The following CORO2B variants were observed in gnomAD, a reference collection of about 807,000 sequenced individuals.
The protein encoded by CORO2B is coronin-2B.
CORO2B carries 26 observed loss-of-function variants against 58.8 expected under a neutral mutation model. The observed-to-expected ratio is 0.44, with a 90% CI of 0.32 to 0.61. The LOEUF (loss-of-function observed/expected upper bound fraction) is 0.61. Ranked by LOEUF, CORO2B falls within the 20% of genes least tolerant of loss-of-function variation. CORO2B has a pLI of 0.04. For missense variants in CORO2B, 460 were observed against 645.1 expected (o/e 0.71, Z 3.11); for synonymous variants, 242 against 253.8 (o/e 0.95, Z 0.44).
intron 1 of CORO2B, among the ~76,000 whole-genome samples, chr15:68,585,635 C>G (rs1899534051): frequency 6.6e-6 from 1 of 152,210 alleles, no homozygotes; most frequent in African/African-American, 2.4e-5. Context: ...TCTGCTTCCA[C>G]TCCCCACCAA....
At chr15:68,610,827 G>A (rs961244446) in intron 1 of CORO2B, among the ~76,000 whole-genome samples, 3 of 152,306 alleles carry the variant, frequency 2.0e-5, no homozygotes, top group African/African-American at 4.8e-5. Flanking sequence ...GAGCATCAGC[G>A]TGGAAATGAA....
chr15:68,702,141 G>C (rs184895844), intron 3 of CORO2B, among the ~76,000 whole-genome samples: 77 of 152,156 alleles, frequency 5.1e-4, no homozygotes, highest in African/African-American at 1.8e-3. Flanking sequence ...GTACGGGCAC[G>C]GGCAGGAGTG....
intron 2 of CORO2B, among the ~76,000 whole-genome samples, chr15:68,650,691 G>A (rs1901614445): frequency 6.6e-6 from 1 of 152,218 alleles, no homozygotes; most frequent in Non-Finnish European, 1.5e-5. Flanking sequence ...TACCTCCCAA[G>A]TATTGGGACC....
At chr15:68,653,085 A>G (rs930483456) in intron 2 of CORO2B, among the ~76,000 whole-genome samples, 14 of 152,006 alleles carry the variant, frequency 9.2e-5, no homozygotes, top group African/African-American at 3.1e-4. Context: ...GGGGAAGCTT[A>G]CTCTCTGAAG....
At chr15:68,644,901 T>C (rs560729665) in intron 1 of CORO2B, among the ~76,000 whole-genome samples, 80 of 152,296 alleles carry the variant, frequency 5.3e-4, no homozygotes, top group African/African-American at 1.8e-3. Context: ...GGGGTGGGCA[T>C]GTGTACCAAA....
At chr15:68,571,414 G>A in the CORO2B span, among the ~76,000 whole-genome samples, 1 of 152,162 alleles carries the variant, frequency 6.6e-6, no homozygotes, top group Non-Finnish European at 1.5e-5. Flanking sequence ...CATGGTGGGA[G>A]ATAAGAAATT....
chr15:68,596,368 T>A (rs996192735), intron 1 of CORO2B, among the ~76,000 whole-genome samples: 6 of 47,756 alleles, frequency 1.3e-4, no homozygotes, highest in East Asian at 7.7e-4. Context: ...GGGTAGGGGG[T>A]GGGGGTTGTG....
At chr15:68,627,007 T>C (rs1286042829) in intron 1 of CORO2B, among the ~76,000 whole-genome samples, 1 of 152,154 alleles carries the variant, frequency 6.6e-6, no homozygotes, top group African/African-American at 2.4e-5. Flanking sequence ...TGGGTTCAGC[T>C]CCCAGTCCCA....
the CORO2B span, among the ~76,000 whole-genome samples, chr15:68,525,736 T>C: frequency 6.6e-6 from 1 of 152,220 alleles, no homozygotes; most frequent in East Asian, 1.9e-4. Flanking sequence ...CTGGATTTTT[T>C]TAAAATAATT....
At position 68,660,349 on chromosome 15, in the gene CORO2B, C is replaced by G. The variant is rs116303028; in HGVS notation, c.216+14989C>G. Among the ~76,000 whole-genome samples, 420 of 152,296 alleles carry G rather than the reference C, an allele frequency of 2.8e-3. 1 individual carries two copies. The highest frequency in any genetic ancestry group is 0.027 in the Middle Eastern group (8 of 294). ...TCTGTTCATTCCTCTAGTGTGATGT[C>G]TGTTAGCTCTTAAGCTTCTTCAAGA... On this transcript the variant is annotated intron_variant, in intron 2 of 11. Coordinates refer to ENST00000261861, the MANE Select transcript of CORO2B (RefSeq NM_006091.5).
intron 2 of CORO2B, among the ~76,000 whole-genome samples, chr15:68,685,128 T>C (rs1443977002): frequency 6.6e-6 from 1 of 152,220 alleles, no homozygotes; most frequent in Non-Finnish European, 1.5e-5. Context: ...CTTTACATGC[T>C]CATCACCTAA....
At chr15:68,541,108 G>A in the CORO2B span, among the ~76,000 whole-genome samples, 1 of 152,162 alleles carries the variant, frequency 6.6e-6, no homozygotes, top group Non-Finnish European at 1.5e-5. Context: ...GGTAGTGTGT[G>A]CCTATAGTCA....
chr15:68,529,202 G>T, the CORO2B span, among the ~76,000 whole-genome samples: 2 of 152,128 alleles, frequency 1.3e-5, no homozygotes, highest in African/African-American at 4.8e-5. Flanking sequence ...ACTGTGGCTC[G>T]TCAGGAGATA....
intron 1 of CORO2B, among the ~76,000 whole-genome samples, chr15:68,582,955 C>T (rs1899465928): frequency 6.6e-6 from 1 of 152,206 alleles, no homozygotes; most frequent in Admixed American, 6.5e-5. Flanking sequence ...CAATTGCCTG[C>T]TGCACCTTAG....
intron 2 of CORO2B, among the ~76,000 whole-genome samples, chr15:68,672,366 G>T (rs969416013): frequency 1.3e-5 from 2 of 152,078 alleles, no homozygotes; most frequent in African/African-American, 4.8e-5. Flanking sequence ...CTCCCAAAGT[G>T]CTGGGATTAC....
Position 68,711,644 on chromosome 15 carries a change from A to T in CORO2B, c.586A>T (p.Thr196Ser). The change falls in exon 5 of 12, where the codon ACC becomes TCC. Residue 196 changes from threonine to serine, a missense_variant. Physicochemically the swap from Thr to Ser is moderately conservative, Grantham distance 58. This residue lies in a region of CORO2B where 352 missense variants were observed against 543.0 expected (regional missense o/e 0.65). Coordinates refer to ENST00000261861, the MANE Select transcript of CORO2B (RefSeq NM_006091.5). The stretch of plus-strand genomic sequence containing the variant: ...CTTCAACACGGACGGCAGCCTGCTC[A>T]CCACCACGTGCAAGGACAAGAAGCT... Reference protein sequence around the residue: ...MSFNTDGSLLTTTCKDKKLRV... With the variant: ...MSFNTDGSLLSTTCKDKKLRV... 6.2e-7 allele frequency: 1 copy of T among 1,614,034 alleles called. No individual in the cohort carries two copies. The highest frequency in any genetic ancestry group is 8.5e-7 in the Non-Finnish European group (1 of 1,179,966).
chr15:68,579,779 A>C (rs930149717), intron 1 of CORO2B, among the ~76,000 whole-genome samples: 1 of 152,218 alleles, frequency 6.6e-6, no homozygotes, highest in Admixed American at 6.5e-5. Context: ...CACTCTGTGC[A>C]GAAGGCGCTG....
the CORO2B span, among the ~76,000 whole-genome samples, chr15:68,523,930 A>C: frequency 1.3e-5 from 2 of 152,160 alleles, no homozygotes; most frequent in Non-Finnish European, 2.9e-5. Context: ...ATTTTTAAAA[A>C]TATTTTTTTC....
chr15:68,586,851 AAGTGGCCAG>A (rs1360801642), intron 1 of CORO2B, among the ~76,000 whole-genome samples: 1 of 152,088 alleles, frequency 6.6e-6, no homozygotes, highest in East Asian at 1.9e-4. Flanking sequence ...GGGCTGTGTA[AAGTGGCCAG>A]AGGCCCTCCT....
Sources: allele counts gnomAD v4.1 joint callset (sites outside exome capture counted in the v4.1 genomes callset), GRCh38; gene constraint gnomAD v4.1.1; regional missense constraint gnomAD v4.1.1; transcripts MANE v1.5; gene names NCBI Gene and HGNC (gene_info 2026-07-23, HGNC 2026-07-21).